Variants in DCC observed in about 807,000 individuals in gnomAD.
DCC encodes the protein DCC netrin 1 receptor, also known as netrin receptor DCC.
In DCC, 58 loss-of-function variants were observed where a neutral mutation model predicts 172.5. The ratio of observed to expected loss-of-function variants is 0.34; its 90% CI spans 0.27 to 0.42. DCC has a LOEUF of 0.42. Ranked by LOEUF, DCC falls within the 10% of genes least tolerant of loss-of-function variation. The pLI, the probability that DCC is intolerant of heterozygous loss-of-function variation, is 1.00. For missense variants in DCC, 1,740 were observed against 1,791.0 expected (o/e 0.97, Z 0.51); for synonymous variants, 709 against 644.5 (o/e 1.10, Z -1.52).
intron 25 of DCC, among the ~76,000 whole-genome samples, chr18:53,471,412 T>C (rs1335035779): frequency 2.0e-5 from 3 of 152,240 alleles, no homozygotes; most frequent in African/African-American, 7.2e-5. Flanking sequence ...TTCTATTTTT[T>C]GTACCCATTA....
intron 7 of DCC, among the ~76,000 whole-genome samples, chr18:53,152,532 C>T (rs1002151364): frequency 1.3e-5 from 2 of 151,756 alleles, no homozygotes; most frequent in East Asian, 1.9e-4. Flanking sequence ...AAATTATCAC[C>T]CTTTCCTGGA....
At chr18:52,635,953 C>T (rs1003964432) in intron 1 of DCC, among the ~76,000 whole-genome samples, 1 of 152,186 alleles carries the variant, frequency 6.6e-6, no homozygotes, top group Non-Finnish European at 1.5e-5. Flanking sequence ...CCCAAGAGGA[C>T]ACACAGACCC....
chr18:53,449,816 G>A (rs1308654331), intron 22 of DCC, among the ~76,000 whole-genome samples: 2 of 152,086 alleles, frequency 1.3e-5, no homozygotes, highest in Non-Finnish European at 2.9e-5. Flanking sequence ...GTATTCATAA[G>A]CTTGGGCTGC....
At chr18:53,328,199 T>C (rs1239146644) in intron 14 of DCC, among the ~76,000 whole-genome samples, 2 of 152,206 alleles carry the variant, frequency 1.3e-5, no homozygotes, top group Non-Finnish European at 2.9e-5. Flanking sequence ...TACTTGGTTA[T>C]AACAAACTTT....
intron 5 of DCC, among the ~76,000 whole-genome samples, chr18:53,035,870 T>C (rs1486240558): frequency 6.7e-6 from 1 of 149,956 alleles, no homozygotes; most frequent in African/African-American, 2.5e-5. Flanking sequence ...CACACTTCCA[T>C]ACATATTTGC....
intron 2 of DCC, among the ~76,000 whole-genome samples, chr18:52,891,448 A>G (rs1424520820): frequency 1.3e-5 from 2 of 152,148 alleles, no homozygotes; most frequent in African/African-American, 4.8e-5. Context: ...TAGGTTGTTT[A>G]AACATAGAAT....
At chr18:53,482,372 T>C (rs2045843189) in intron 25 of DCC, among the ~76,000 whole-genome samples, 1 of 152,118 alleles carries the variant, frequency 6.6e-6, no homozygotes, top group African/African-American at 2.4e-5. Flanking sequence ...GTAAACCCTT[T>C]GTAATCAGGT....
intron 1 of DCC, among the ~76,000 whole-genome samples, chr18:52,742,928 A>C (rs965022845): frequency 5.9e-5 from 9 of 152,226 alleles, no homozygotes; most frequent in Admixed American, 3.9e-4. Context: ...AGAAATAATT[A>C]ATTTCCTGGA....
At chr18:52,831,690 G>A (rs2038616810) in intron 2 of DCC, among the ~76,000 whole-genome samples, 1 of 152,068 alleles carries the variant, frequency 6.6e-6, no homozygotes, top group Non-Finnish European at 1.5e-5. Flanking sequence ...TAGCAAAAGA[G>A]GATTTATTGA....
At chr18:52,688,926 C>G (rs2035885337) in intron 1 of DCC, among the ~76,000 whole-genome samples, 1 of 152,004 alleles carries the variant, frequency 6.6e-6, no homozygotes, top group Non-Finnish European at 1.5e-5. Flanking sequence ...CCAGTAAATC[C>G]TAAGTACAGA....
intron 1 of DCC, among the ~76,000 whole-genome samples, chr18:52,730,071 G>A (rs1447754748): frequency 6.6e-6 from 1 of 152,132 alleles, no homozygotes; most frequent in African/African-American, 2.4e-5. Flanking sequence ...AAATAACCTG[G>A]TAATTACTTG....
At chr18:53,164,640 G>A (rs2054889784) in intron 8 of DCC, among the ~76,000 whole-genome samples, 1 of 152,116 alleles carries the variant, frequency 6.6e-6, no homozygotes, top group Admixed American at 6.6e-5. Flanking sequence ...TGATGTGTAA[G>A]GTTGTGATGA....
At chr18:52,560,503 A>G (rs949747214) in intron 1 of DCC, among the ~76,000 whole-genome samples, 1 of 152,178 alleles carries the variant, frequency 6.6e-6, no homozygotes, top group African/African-American at 2.4e-5. Context: ...TCTCTCATAA[A>G]CAAGTGAGCC....
At chr18:53,300,993 T>TTTCTTTCTTTCTTTCTTTCCTTTCTTTC (rs1295331909) in intron 12 of DCC, among the ~76,000 whole-genome samples, 1 of 11,386 alleles carries the variant, frequency 8.8e-5, no homozygotes, top group African/African-American at 1.6e-4. Flanking sequence ...TTCTTTCTTT[T>TTTCTTTCTTTCTTTCTTTCCTTTCTTTC]TTTTTCTTTT....
chr18:53,022,302 C>T (rs185165212), intron 5 of DCC, among the ~76,000 whole-genome samples: 15 of 152,110 alleles, frequency 9.9e-5, no homozygotes, highest in African/African-American at 3.6e-4. Flanking sequence ...CTTGATCCCA[C>T]ATCTGCCATG....
intron 9 of DCC, among the ~76,000 whole-genome samples, chr18:53,186,736 C>G (rs1452422939): frequency 6.6e-6 from 1 of 152,152 alleles, no homozygotes; most frequent in Non-Finnish European, 1.5e-5. Flanking sequence ...GCTGTTATAA[C>G]AAAACACCTG....
At chr18:53,133,279 T>C (rs1598835177) in intron 7 of DCC, among the ~76,000 whole-genome samples, 1 of 152,334 alleles carries the variant, frequency 6.6e-6, no homozygotes, top group African/African-American at 2.4e-5. Flanking sequence ...GCTCCAGATA[T>C]AAAACTGTCC....
chr18:53,103,154 G>T lies in DCC; in HGVS notation c.1261+36988G>T, dbSNP rs772295798. On this transcript the variant is annotated intron_variant, in intron 7 of 28. Coordinates refer to ENST00000442544, the MANE Select transcript of DCC (RefSeq NM_005215.4). ...ATATATCACCATGCAAAATTCCGTG[G>T]TATACAAAAACTCAAGAATCATAGA... Among the ~76,000 whole-genome samples the T allele has an allele frequency of 9.9e-5, 15 of 151,938 alleles. No homozygotes were observed. In the South Asian group the frequency reaches 1.0e-3, roughly 11 times the overall value.
At chr18:53,228,463 C>A (rs1805660539) in intron 12 of DCC, among the ~76,000 whole-genome samples, 1 of 152,054 alleles carries the variant, frequency 6.6e-6, no homozygotes, top group Non-Finnish European at 1.5e-5. Flanking sequence ...CCGTAAGAGT[C>A]TTCCAAATTA....
Sources: gnomAD v4.1 joint callset for allele counts (sites outside exome capture counted in the v4.1 genomes callset) on GRCh38, gnomAD v4.1.1 for gene constraint, MANE v1.5 for transcripts, NCBI Gene and HGNC (gene_info 2026-07-23, HGNC 2026-07-21) for gene names.